SKI: variants seen among roughly 807,000 people sequenced by gnomAD.
SKI encodes SKI proto-oncogene, also known as ski oncogene.
Under a neutral mutation model 59.3 loss-of-function variants are expected in SKI, and 23 were observed. The ratio of observed to expected loss-of-function variants is 0.39; its 90% CI spans 0.28 to 0.55. The LOEUF (loss-of-function observed/expected upper bound fraction) is 0.55. SKI is among the 20% of genes least tolerant of loss of function. The pLI is 0.67. For missense variants in SKI, 1,017 were observed against 1,038.9 expected (o/e 0.98, Z 0.29); for synonymous variants, 673 against 488.6 (o/e 1.38, Z -4.98).
chr1:2,250,365 G>A (rs535789068), intron 1 of SKI, among the ~76,000 whole-genome samples: 13 of 152,178 alleles, frequency 8.5e-5, no homozygotes, highest in African/African-American at 2.7e-4. Context: ...TCGAGTGTGG[G>A]GTGGCCACTG....
chr1:2,270,221 G>A lies in SKI; in HGVS notation c.970-32757G>A, dbSNP rs542245334. Among the ~76,000 whole-genome samples the A allele has an allele frequency of 6.6e-6, 1 of 152,334 alleles. No homozygotes were observed. Among genetic ancestry groups the A allele is most frequent in the Non-Finnish European group, 1.5e-5 (1 of 68,022 alleles). Reference sequence around the variant, plus strand: ...TCTACGAGCTAGAGCAAGGGCAGGTGGGCCCACTGGCTGGCGCTGCGTCTG... The same window carrying A: ...TCTACGAGCTAGAGCAAGGGCAGGTAGGCCCACTGGCTGGCGCTGCGTCTG... On this transcript the variant is annotated intron_variant, in intron 1 of 6. Transcript: ENST00000378536. The surrounding 1 kb of genome is among the most constrained non-coding windows in gnomAD (Gnocchi z 4.1).
chr1:2,270,732 C>T lies in SKI; in HGVS notation c.970-32246C>T, dbSNP rs1023059410. Reference sequence around the variant, plus strand: ...GAGACTGGACCTGGCCAGCCCCTCCCGCTTCCCTTCCTCTGGGCCCCTGGA... The same window carrying T: ...GAGACTGGACCTGGCCAGCCCCTCCTGCTTCCCTTCCTCTGGGCCCCTGGA... On this transcript the variant is annotated intron_variant, in intron 1 of 6. Coordinates refer to ENST00000378536, the MANE Select transcript of SKI (RefSeq NM_003036.4). This position sits in a 1 kb window ranked among gnomAD's most constrained non-coding sequence, Gnocchi z 4.1. 2.6e-5 allele frequency among the ~76,000 whole-genome samples: 4 copies of T among 152,206 alleles called. No individual in the cohort carries two copies. The highest frequency in any genetic ancestry group is 4.8e-5 in the African/African-American group (2 of 41,458).
chr1:2,268,376 T>C lies in SKI; in HGVS notation c.970-34602T>C, dbSNP rs2100849422. Among the ~76,000 whole-genome samples, 1 of 152,256 alleles carries C rather than the reference T, an allele frequency of 6.6e-6. No homozygotes were observed. The highest frequency in any genetic ancestry group is 1.9e-4 in the East Asian group (1 of 5,172). ...CCGGGTGTGGGGTCCTGGTGCTCTG[T>C]GGCCTGGGACACCCGTGCTTCCTGC... On this transcript the variant is annotated intron_variant, in intron 1 of 6. Transcript: ENST00000378536. The surrounding 1 kb of genome is among the most constrained non-coding windows in gnomAD (Gnocchi z 5.0).
At chr1:2,297,604 C>T (rs1246080889) in intron 1 of SKI, among the ~76,000 whole-genome samples, 1 of 152,224 alleles carries the variant, frequency 6.6e-6, no homozygotes, top group African/African-American at 2.4e-5. Context: ...CACTCCACAG[C>T]GTTGCCTATT....
intron 1 of SKI, among the ~76,000 whole-genome samples, chr1:2,231,214 A>G (rs1638630350): frequency 6.7e-6 from 1 of 150,054 alleles, no homozygotes; most frequent in Non-Finnish European, 1.5e-5. Context: ...TGGCTGGAGG[A>G]AGCCACATGT....
At chr1:2,304,921 G>A (rs747993151) in intron 5 of SKI, among the ~76,000 whole-genome samples, 1 of 152,228 alleles carries the variant, frequency 6.6e-6, no homozygotes, top group African/African-American at 2.4e-5. Flanking sequence ...AGGGAGGCCG[G>A]GCTATTTTTA....
At position 2,273,833 on chromosome 1, in the gene SKI, C is replaced by T. The variant is rs529523665; in HGVS notation, c.970-29145C>T. The stretch of plus-strand genomic sequence containing the variant: ...TGGCCCTCCTGTCTGTTCTGTGGAC[C>T]GGGTGCGGATGGGCCGTGCAGGCAG... On this transcript the variant is annotated intron_variant, in intron 1 of 6. Coordinates refer to ENST00000378536, the MANE Select transcript of SKI (RefSeq NM_003036.4). Among the ~76,000 whole-genome samples, 13 of 152,248 alleles carry T rather than the reference C, an allele frequency of 8.5e-5. No homozygotes were observed. The South Asian group carries it at 2.3e-3, about 27-fold the overall frequency.
intron 1 of SKI, among the ~76,000 whole-genome samples, chr1:2,297,593 C>CCA (rs1288891959): frequency 1.3e-5 from 2 of 152,262 alleles, no homozygotes; most frequent in African/African-American, 4.8e-5. Context: ...AACATCTGCG[C>CCA]CACTCCACAG....
chr1:2,277,039 G>A (rs1434598276), intron 1 of SKI, among the ~76,000 whole-genome samples: 1 of 152,194 alleles, frequency 6.6e-6, no homozygotes. Context: ...CTTCCATGGA[G>A]CTGGGATTCC....
At chr1:2,291,890 A>C (rs1640170506) in intron 1 of SKI, among the ~76,000 whole-genome samples, 1 of 152,230 alleles carries the variant, frequency 6.6e-6, no homozygotes, top group African/African-American at 2.4e-5. Flanking sequence ...TGGTATTCTC[A>C]CTTCATTTTG....
In SKI at chr1:2,308,354, G is replaced by C. The variant is rs1422927982; in HGVS notation, c.*1589G>C. The C allele has an allele frequency of 6.6e-6, 1 of 152,160 alleles. No individual in the cohort carries two copies. The highest frequency in any genetic ancestry group is 2.4e-5 in the African/African-American group (1 of 41,408). 9.4% of individuals were successfully genotyped at this position (152,160 alleles called of 1,614,324 possible). A position where few individuals can be genotyped will look rare whatever the true frequency, so the allele number is the denominator to read the frequency against. The stretch of plus-strand genomic sequence containing the variant: ...CGGGGTTTTGCCCTTGGTTTACTGA[G>C]GGGGGTCTTGGTTGCTGCTGAAGCC... On this transcript the variant is annotated 3_prime_UTR_variant, in exon 7 of 7. Transcript: ENST00000378536.
At chr1:2,275,168 C>T (rs1639713503) in intron 1 of SKI, among the ~76,000 whole-genome samples, 1 of 152,208 alleles carries the variant, frequency 6.6e-6, no homozygotes, top group Non-Finnish European at 1.5e-5. Context: ...GCCTTGGGGG[C>T]CCGGTGGAGA....
Position 2,269,535 on chromosome 1 carries a change from G to T in SKI, c.970-33443G>T, listed in dbSNP as rs1054495063. Among the ~76,000 whole-genome samples the T allele has an allele frequency of 6.6e-6, 1 of 152,252 alleles. No homozygotes were observed. The highest frequency in any genetic ancestry group is 1.5e-5 in the Non-Finnish European group (1 of 68,046). ...CTGGGTTCATCCCCGTTCCAGGCCC[G>T]CACTAGTGGCGCCTGGTTATCAGGT... is the stretch of plus-strand genomic sequence containing the variant. On this transcript the variant is annotated intron_variant, in intron 1 of 6. Coordinates refer to ENST00000378536, the MANE Select transcript of SKI (RefSeq NM_003036.4). This position sits in a 1 kb window ranked among gnomAD's most constrained non-coding sequence, Gnocchi z 4.7.
At chr1:2,289,591 T>C (rs1466858954) in intron 1 of SKI, among the ~76,000 whole-genome samples, 1 of 21,952 alleles carries the variant, frequency 4.6e-5, no homozygotes, top group African/African-American at 2.3e-4. Flanking sequence ...GGTGGGGGGG[T>C]GCAGGGCAGG....
rs1348331583 is a variant in SKI, at chr1:2,308,083, A to T, written c.*1318A>T. 1 of 152,358 alleles carries T rather than the reference A, an allele frequency of 6.6e-6. No homozygotes were observed. The highest frequency in any genetic ancestry group is 1.5e-5 in the Non-Finnish European group (1 of 68,046). 9.4% of individuals were successfully genotyped at this position (152,358 alleles called of 1,614,324 possible). On this transcript the variant is annotated 3_prime_UTR_variant, in exon 7 of 7. Transcript: ENST00000378536. ...TTATGCAAATTGTATAAGGTTTCTTATGCCCAAGCTTGAAAAATGATTTCC... is the reference window on the plus strand; with the variant it reads ...TTATGCAAATTGTATAAGGTTTCTTTTGCCCAAGCTTGAAAAATGATTTCC...
At chr1:2,290,955 C>A (rs554573775) in intron 1 of SKI, among the ~76,000 whole-genome samples, 1 of 152,240 alleles carries the variant, frequency 6.6e-6, no homozygotes, top group African/African-American at 2.4e-5. Context: ...GATGGAAAGG[C>A]CTGTTTGTCT....
At chr1:2,280,219 T>G in intron 1 of SKI, among the ~76,000 whole-genome samples, 1 of 148,696 alleles carries the variant, frequency 6.7e-6, no homozygotes. Flanking sequence ...AAAAAAAAAA[T>G]ACAAAAATTA....
chr1:2,273,790 G>C (rs1639681713), intron 1 of SKI, among the ~76,000 whole-genome samples: 1 of 152,210 alleles, frequency 6.6e-6, no homozygotes, highest in African/African-American at 2.4e-5. Flanking sequence ...GAGGCTGCAG[G>C]GGGCCTTGGG....
intron 5 of SKI, among the ~76,000 whole-genome samples, chr1:2,305,012 G>A (rs547916064): frequency 3.3e-5 from 5 of 152,336 alleles, no homozygotes; most frequent in Admixed American, 1.3e-4. Flanking sequence ...CACGCGCTCC[G>A]CCAGCAAGAC....
Sources: allele counts gnomAD v4.1 joint callset (sites outside exome capture counted in the v4.1 genomes callset), GRCh38; gene constraint gnomAD v4.1.1; non-coding constraint Gnocchi (gnomAD v3.1); transcripts MANE v1.5; gene names NCBI Gene and HGNC (gene_info 2026-07-23, HGNC 2026-07-21).